The following MAGI2 variants were observed in gnomAD, a reference collection of about 807,000 sequenced individuals.
The protein encoded by MAGI2 is membrane-associated guanylate kinase, WW and PDZ domain-containing protein 2.
A neutral mutation model predicts 133.3 loss-of-function variants in MAGI2; 35 were observed. The ratio of observed to expected loss-of-function variants is 0.26; its 90% confidence interval spans 0.20 to 0.35. The LOEUF is 0.35. Among genes scored for constraint, MAGI2 ranks in the 10% least tolerant of loss-of-function variants. The pLI is 1.00. For synonymous variants in MAGI2, 729 were observed against 710.6 expected (o/e 1.03, Z -0.41); for missense variants, 1,636 against 1,863.4 (o/e 0.88, Z 2.25).
At chr7:78,362,958 T>TTGTACATG (rs1401738122) in intron 7 of MAGI2, among the ~76,000 whole-genome samples, 1 of 152,196 alleles carries the variant, frequency 6.6e-6, no homozygotes, top group Non-Finnish European at 1.5e-5. Flanking sequence ...ATCTTCTCCT[T>TTGTACATG]TGTACATGTT....
chr7:79,109,333 C>A (rs946361965), intron 1 of MAGI2, among the ~76,000 whole-genome samples: 5 of 152,124 alleles, frequency 3.3e-5, no homozygotes, highest in African/African-American at 1.2e-4. Context: ...CTGCCAAGGT[C>A]TCAGATGGAA....
intron 1 of MAGI2, among the ~76,000 whole-genome samples, chr7:79,291,826 A>AATAT (rs1484786406): frequency 6.6e-6 from 1 of 152,154 alleles, no homozygotes; most frequent in African/African-American, 2.4e-5. Flanking sequence ...TCCCTTATCA[A>AATAT]ATATACAATT....
At chr7:79,041,509 A>G (rs1487144877) in intron 1 of MAGI2, among the ~76,000 whole-genome samples, 2 of 152,094 alleles carry the variant, frequency 1.3e-5, no homozygotes, top group African/African-American at 2.4e-5. Flanking sequence ...CTTATGCTTG[A>G]GTAATAGTAA....
At chr7:79,359,892 G>A (rs897754485) in intron 1 of MAGI2, among the ~76,000 whole-genome samples, 14 of 152,036 alleles carry the variant, frequency 9.2e-5, no homozygotes, top group Non-Finnish European at 1.9e-4. Flanking sequence ...CACTGTCAGC[G>A]CTCATTTAAT....
At chr7:78,026,474 G>A (rs1808927282) in intron 21 of MAGI2, among the ~76,000 whole-genome samples, 1 of 152,188 alleles carries the variant, frequency 6.6e-6, no homozygotes, top group African/African-American at 2.4e-5. Flanking sequence ...CCACATCAAA[G>A]GAGAGTTAAT....
At chr7:79,427,362 G>A (rs975602802) in intron 1 of MAGI2, among the ~76,000 whole-genome samples, 14 of 151,968 alleles carry the variant, frequency 9.2e-5, no homozygotes, top group South Asian at 8.3e-4. Flanking sequence ...ATGTATCTCA[G>A]AACTTAAAGT....
In MAGI2 at chr7:78,535,857, T is replaced by A. The variant is rs994213013; in HGVS notation, c.539-14212A>T. Reference sequence around the variant, plus strand: ...CCACCTAGATCGAGAACCTGGCTCATCTAGTCTTGTGTACACCCCCCCCGC... The same window carrying A: ...CCACCTAGATCGAGAACCTGGCTCAACTAGTCTTGTGTACACCCCCCCCGC... On this transcript the variant is annotated intron_variant, in intron 3 of 21. Transcript: ENST00000354212. 3.5e-5 allele frequency among the ~76,000 whole-genome samples: 5 copies of A among 144,834 alleles called. No individual in the cohort carries two copies. In the East Asian group the frequency reaches 1.0e-3, roughly 29 times the overall value.
chr7:78,921,618 T>C (rs2151635105), intron 2 of MAGI2, among the ~76,000 whole-genome samples: 1 of 151,686 alleles, frequency 6.6e-6, no homozygotes, highest in Non-Finnish European at 1.5e-5. Context: ...ATGAGATTTA[T>C]CACTTTTCAA....
chr7:79,364,319 T>G (rs2129126057), intron 1 of MAGI2, among the ~76,000 whole-genome samples: 1 of 152,184 alleles, frequency 6.6e-6, no homozygotes, highest in African/African-American at 2.4e-5. Context: ...TGTATTACAT[T>G]TTTAAAATTG....
At chr7:78,842,622 T>A (rs1212751111) in intron 2 of MAGI2, among the ~76,000 whole-genome samples, 1 of 151,840 alleles carries the variant, frequency 6.6e-6, no homozygotes, top group Non-Finnish European at 1.5e-5. Context: ...TCTGTCAATA[T>A]AATTTACATA....
At chr7:78,599,856 C>T (rs1563224239) in intron 3 of MAGI2, among the ~76,000 whole-genome samples, 1 of 152,132 alleles carries the variant, frequency 6.6e-6, no homozygotes, top group Admixed American at 6.5e-5. Context: ...GCTTGTCACT[C>T]CTATCTGGGG....
intron 6 of MAGI2, among the ~76,000 whole-genome samples, chr7:78,415,228 A>C (rs182792462): frequency 4.4e-4 from 67 of 152,234 alleles, no homozygotes; most frequent in African/African-American, 1.5e-3. Context: ...CTAAGCAGGA[A>C]ATCTCAAGAC....
In MAGI2 at chr7:78,019,965, G is replaced by A. The variant is rs143070725; in HGVS notation, c.3718C>T (p.Pro1240Ser). ...GQVPEYDEPA[P>S]WSSPAAAAPG... ...GCGGCGGCAGCGGGAGAACTCCAGG[G>A]GGCGGGTTCGTCTGTGGACGGGAAG... The change falls in exon 22 of 22, where the codon CCC becomes TCC. Residue 1240 changes from proline (P) to serine (S), a missense_variant. Pro to Ser is a moderately conservative substitution (Grantham distance 74). Coordinates refer to ENST00000354212, the MANE Select transcript of MAGI2 (RefSeq NM_012301.4). 2.2e-5 allele frequency: 36 copies of A among 1,605,564 alleles called. No individual in the cohort carries two copies. In the African/African-American group the frequency reaches 3.8e-4, roughly 17 times the overall value.
At chr7:78,436,120 A>T (rs900023282) in intron 6 of MAGI2, among the ~76,000 whole-genome samples, 2 of 152,138 alleles carry the variant, frequency 1.3e-5, no homozygotes, top group Non-Finnish European at 2.9e-5. Context: ...TTGGCCTATA[A>T]TCATGTTTAT....
At chr7:78,560,918 G>A (rs1401902202) in intron 3 of MAGI2, among the ~76,000 whole-genome samples, 2 of 152,160 alleles carry the variant, frequency 1.3e-5, no homozygotes, top group Non-Finnish European at 2.9e-5. Flanking sequence ...AAGATTTTAG[G>A]TTGCATCAAC....
chr7:78,811,826 C>G (rs1041536799), intron 2 of MAGI2, among the ~76,000 whole-genome samples: 1 of 152,146 alleles, frequency 6.6e-6, no homozygotes, highest in African/African-American at 2.4e-5. Flanking sequence ...TGTCCTAAAC[C>G]TCAGAACCTG....
chr7:78,294,051 C>T (rs918750071), intron 9 of MAGI2, among the ~76,000 whole-genome samples: 2 of 151,056 alleles, frequency 1.3e-5, no homozygotes, highest in African/African-American at 4.9e-5. Context: ...ACATTGTGCA[C>T]ATGTACCCTA....
At chr7:79,365,844 G>A (rs1333328195) in intron 1 of MAGI2, among the ~76,000 whole-genome samples, 2 of 109,146 alleles carry the variant, frequency 1.8e-5, no homozygotes, top group Admixed American at 1.4e-4. Context: ...TGGGTGATGG[G>A]TAATAGAGTG....
At chr7:78,912,890 G>A (rs933922097) in intron 2 of MAGI2, among the ~76,000 whole-genome samples, 25 of 150,562 alleles carry the variant, frequency 1.7e-4, no homozygotes, top group Non-Finnish European at 2.1e-4. Context: ...TCCCTCTGGT[G>A]AACCCTGACT....
Sources: allele counts gnomAD v4.1 joint callset (sites outside exome capture counted in the v4.1 genomes callset), GRCh38; gene constraint gnomAD v4.1.1; transcripts MANE v1.5; gene names NCBI Gene and HGNC (gene_info 2026-07-23, HGNC 2026-07-21).